LOC128462377: variants seen among roughly 807,000 people sequenced by gnomAD.
the LOC128462377 span, chr16:89,324,482 G>A: frequency 1.1e-5 from 5 of 456,544 alleles, no homozygotes; most frequent in African/African-American, 1.0e-4. Flanking sequence ...ACTAAAGGAT[G>A]TGTAACTGTT....
At chr16:89,361,279 A>T in the LOC128462377 span, among the ~76,000 whole-genome samples, 1 of 152,194 alleles carries the variant, frequency 6.6e-6, no homozygotes, top group Admixed American at 6.5e-5. Context: ...AAACGGGGTG[A>T]CACAGGCCTT....
the LOC128462377 span, among the ~76,000 whole-genome samples, chr16:89,345,490 A>G: frequency 6.6e-6 from 1 of 152,220 alleles, no homozygotes; most frequent in Non-Finnish European, 1.5e-5. Context: ...GCACGGAGGC[A>G]GAGACCAGGC....
the LOC128462377 span, among the ~76,000 whole-genome samples, chr16:89,391,056 A>C: frequency 2.0e-5 from 3 of 151,968 alleles, no homozygotes; most frequent in Non-Finnish European, 2.9e-5. Context: ...GTGAAACCCC[A>C]TCTCTACTAA....
the LOC128462377 span, among the ~76,000 whole-genome samples, chr16:89,398,243 C>G: frequency 3.3e-5 from 5 of 151,838 alleles, no homozygotes; most frequent in Admixed American, 3.3e-4. Flanking sequence ...GGGAGGCTGA[C>G]ATGAGGGACA....
chr16:89,381,354 A>AAAAAAAAAGG, the LOC128462377 span, among the ~76,000 whole-genome samples: 3 of 125,346 alleles, frequency 2.4e-5, no homozygotes, highest in African/African-American at 9.9e-5. Flanking sequence ...AAAAAAAAAA[A>AAAAAAAAAGG]GGGGTGAGAA....
the LOC128462377 span, among the ~76,000 whole-genome samples, chr16:89,339,573 ATATTT>A: frequency 6.6e-6 from 1 of 152,222 alleles, no homozygotes; most frequent in African/African-American, 2.4e-5. Context: ...ATGGGTTATT[ATATTT>A]TATAATTTCT....
the LOC128462377 span, among the ~76,000 whole-genome samples, chr16:89,356,780 CAAAA>C: frequency 9.6e-6 from 1 of 103,988 alleles, no homozygotes; most frequent in Non-Finnish European, 1.9e-5. Flanking sequence ...GACTCCGTCT[CAAAA>C]AAAAAAAAAA....
At chr16:89,411,753 T>C in the LOC128462377 span, among the ~76,000 whole-genome samples, 4 of 152,086 alleles carry the variant, frequency 2.6e-5, no homozygotes, top group African/African-American at 9.7e-5. Flanking sequence ...CCCAAATCAT[T>C]TTTCCCAATG....
the LOC128462377 span, among the ~76,000 whole-genome samples, chr16:89,318,565 T>C: frequency 2.0e-5 from 2 of 101,180 alleles, no homozygotes; most frequent in African/African-American, 3.2e-5. Flanking sequence ...TGCAGACCCA[T>C]CTGTGAGTGG....
At chr16:89,345,267 C>T in the LOC128462377 span, among the ~76,000 whole-genome samples, 5 of 143,836 alleles carry the variant, frequency 3.5e-5, no homozygotes, top group African/African-American at 1.3e-4. Flanking sequence ...CACCCCCCGG[C>T]AAAAGGAGAG....
At chr16:89,343,306 T>TA in the LOC128462377 span, among the ~76,000 whole-genome samples, 1 of 152,220 alleles carries the variant, frequency 6.6e-6, no homozygotes, top group African/African-American at 2.4e-5. Context: ...GCGCATTTTT[T>TA]AAAAAGCAAT....
the LOC128462377 span, among the ~76,000 whole-genome samples, chr16:89,415,549 C>A: frequency 1.3e-5 from 2 of 151,838 alleles, no homozygotes; most frequent in African/African-American, 4.8e-5. Flanking sequence ...CAGGTGTGAG[C>A]CACTGCGCCC....
At chr16:89,338,674 A>G in the LOC128462377 span, among the ~76,000 whole-genome samples, 1 of 147,492 alleles carries the variant, frequency 6.8e-6, no homozygotes, top group Non-Finnish European at 1.5e-5. Context: ...GCAGTGAGCC[A>G]AGATCACGCC....
At chr16:89,317,860 G>C in the LOC128462377 span, among the ~76,000 whole-genome samples, 1 of 152,156 alleles carries the variant, frequency 6.6e-6, no homozygotes, top group African/African-American at 2.4e-5. Context: ...CAAATTCCTA[G>C]ATAGCCAAGG....
At chr16:89,385,423 C>T in the LOC128462377 span, among the ~76,000 whole-genome samples, 2 of 152,158 alleles carry the variant, frequency 1.3e-5, no homozygotes, top group Non-Finnish European at 2.9e-5. Flanking sequence ...GCCACCGGAC[C>T]CAGCAGACAG....
chr16:89,401,958 CACCGCAGAAG>C, the LOC128462377 span, among the ~76,000 whole-genome samples: 1,169 of 150,422 alleles, frequency 7.8e-3, 22 homozygotes, highest in African/African-American at 0.027. Flanking sequence ...ACCCCTCCAG[CACCGCAGAAG>C]GAACCGGCCC....
the LOC128462377 span, among the ~76,000 whole-genome samples, chr16:89,384,879 C>CTTTTTTTTTTTTTCT: frequency 2.2e-4 from 11 of 49,942 alleles, no homozygotes; most frequent in Non-Finnish European, 3.5e-4. Flanking sequence ...AAATAGTTTT[C>CTTTTTTTTTTTTTCT]TTTTTTTTTT....
chr16:89,403,184 C>T, the LOC128462377 span, among the ~76,000 whole-genome samples: 1 of 152,178 alleles, frequency 6.6e-6, no homozygotes, highest in Non-Finnish European at 1.5e-5. Context: ...CAGGTGGACC[C>T]CGCACTCCCT....
At chr16:89,335,500 C>A in the LOC128462377 span, among the ~76,000 whole-genome samples, 1 of 152,336 alleles carries the variant, frequency 6.6e-6, no homozygotes, top group Admixed American at 6.5e-5. Flanking sequence ...AGGTGCTCTC[C>A]CTCCTCTCCC....
Sources: allele counts gnomAD v4.1 joint callset (sites outside exome capture counted in the v4.1 genomes callset), GRCh38; gene constraint gnomAD v4.1.1; transcripts MANE v1.5.